CIT: variants seen among roughly 807,000 people sequenced by gnomAD.
The protein encoded by CIT is citron rho-interacting serine/threonine kinase.
In CIT, 79 loss-of-function variants were observed where a neutral mutation model predicts 272.7. The ratio of observed to expected loss-of-function variants is 0.29; its 90% confidence interval spans 0.24 to 0.35. The LOEUF is 0.35. Ranked by LOEUF, CIT falls within the 10% of genes least tolerant of loss-of-function variation. The pLI, the probability that CIT is intolerant of heterozygous loss-of-function variation, is 1.00. For missense variants in CIT, 1,909 were observed against 2,618.3 expected (o/e 0.73, Z 5.91); for synonymous variants, 948 against 995.6 (o/e 0.95, Z 0.90).
chr12:119,721,314 T>C lies in CIT; in HGVS notation c.3727A>G (p.Ile1243Val). ...TTCCCTCTGCCAGTCCTCACCTGAA[T>C]GTTTTCCAGCTGATACTCCAAGTCA... The part of the protein sequence containing the change: ...RSDLEYQLEN[I>V]QVLYSHEKVK... Residue 1243 changes from isoleucine to valine, a missense_variant, in exon 29 of 48, where the codon ATT (isoleucine) becomes GTT (valine). Transcript: ENST00000392521. The C allele has an allele frequency of 6.3e-7, 1 of 1,599,842 alleles. No homozygotes were observed. The highest frequency in any genetic ancestry group is 8.6e-7 in the Non-Finnish European group (1 of 1,168,784).
rs1956179333 is a variant in CIT, at chr12:119,695,530, T to TTAATA, written c.5882+2128_5882+2129insTATTA. ...ATGGTGTAGGACCAGACACAGTGCT[T>TTAATA]CAAGCCTATAAACCTAGCACTTTGG... On this transcript the variant is annotated intron_variant, in intron 46 of 47. Transcript: ENST00000392521. Among the ~76,000 whole-genome samples, 15 of 152,250 alleles carry TTAATA rather than the reference T, an allele frequency of 9.9e-5. No individual in the cohort carries two copies. The South Asian group carries it at 3.1e-3, about 32-fold the overall frequency.
At chr12:119,725,217 G>A (rs1958025296) in intron 28 of CIT, among the ~76,000 whole-genome samples, 1 of 152,094 alleles carries the variant, frequency 6.6e-6, no homozygotes, top group Non-Finnish European at 1.5e-5. Flanking sequence ...GAGGCCAGGA[G>A]TTGGAGACAA....
chr12:119,699,973 A>AT (rs1956460596), intron 44 of CIT: 1 of 452,350 alleles, frequency 2.2e-6, no homozygotes, highest in African/African-American at 2.0e-5. Context: ...GGAGCTTATA[A>AT]TCAGGGGGTG....
chr12:119,724,836 G>A (rs1957996825), intron 28 of CIT, among the ~76,000 whole-genome samples: 1 of 150,708 alleles, frequency 6.6e-6, no homozygotes, highest in African/African-American at 2.4e-5. Context: ...CTACTCGGGA[G>A]GCTGAGGCAG....
At chr12:119,826,312 T>C (rs998635812) in intron 7 of CIT, among the ~76,000 whole-genome samples, 1 of 152,078 alleles carries the variant, frequency 6.6e-6, no homozygotes, top group African/African-American at 2.4e-5. Flanking sequence ...TATAATCCAA[T>C]GGCACCCAAG....
chr12:119,744,624 G>A (rs1049835243), intron 23 of CIT, among the ~76,000 whole-genome samples: 5 of 148,622 alleles, frequency 3.4e-5, no homozygotes, highest in African/African-American at 1.2e-4. Context: ...GCTGAGGCAG[G>A]AGAATGGTGT....
At chr12:119,695,691 C>T (rs1398980035) in intron 46 of CIT, among the ~76,000 whole-genome samples, 1 of 151,992 alleles carries the variant, frequency 6.6e-6, no homozygotes, top group Non-Finnish European at 1.5e-5. Context: ...AGCTGCTCAT[C>T]AGGCTGAGGT....
intron 19 of CIT, among the ~76,000 whole-genome samples, chr12:119,765,497 GTC>G (rs926884162): frequency 1.4e-5 from 2 of 142,818 alleles, no homozygotes; most frequent in Admixed American, 7.0e-5. Context: ...TTGAGACAGG[GTC>G]TCTCTCTGTC....
rs371054789 is a variant in CIT, at chr12:119,701,805, G to A, written c.5413+45C>T. ...TCAGGAGTGAGTTCTGAGTCTCAGC[G>A]CGGCCTGAGCCATGGGTGGGTGCGA... is the stretch of plus-strand genomic sequence containing the variant. On this transcript the variant is annotated intron_variant, in intron 42 of 47. Coordinates refer to ENST00000392521, the MANE Select transcript of CIT (RefSeq NM_001206999.2). 49 of 1,614,060 alleles carry A rather than the reference G, an allele frequency of 3.0e-5. No homozygotes were observed. In the African/African-American group the frequency reaches 3.5e-4, roughly 11 times the overall value.
intron 22 of CIT, among the ~76,000 whole-genome samples, chr12:119,753,724 G>A (rs1489498574): frequency 1.1e-4 from 17 of 148,682 alleles, no homozygotes; most frequent in Admixed American, 1.1e-3. Context: ...GTGACAGAGC[G>A]AGACTCTGCC....
chr12:119,806,137 C>CAAAAAAAAAAAAAAAA (rs3858711), intron 9 of CIT, among the ~76,000 whole-genome samples: 1 of 62,656 alleles, frequency 1.6e-5, no homozygotes, highest in Non-Finnish European at 2.7e-5. Flanking sequence ...AACACCATCT[C>CAAAAAAAAAAAAAAAA]AAAAAAAAAA....
chr12:119,712,917 TGAC>T lies in CIT; in HGVS notation c.4580-225_4580-223del, dbSNP rs1460990625. 5 of 579,576 alleles carry T rather than the reference TGAC, an allele frequency of 8.6e-6. No homozygotes were observed. In the African/African-American group the frequency reaches 9.4e-5, roughly 11 times the overall value. 35.9% of individuals were successfully genotyped at this position (579,576 alleles called of 1,614,324 possible). A position where few individuals can be genotyped will look rare whatever the true frequency, so the allele number is the denominator to read the frequency against. On this transcript the variant is annotated intron_variant, in intron 35 of 47. Coordinates refer to ENST00000392521, the MANE Select transcript of CIT (RefSeq NM_001206999.2). This position sits in a 1 kb window ranked among gnomAD's most constrained non-coding sequence, Gnocchi z 5.2. ...ATGAGTAGCACAGTCAAATTTCTGA[TGAC>T]GATGCGGATTTATGGGTTAGTTGAC...
chr12:119,789,274 A>C (rs1273719057), intron 10 of CIT, among the ~76,000 whole-genome samples: 1 of 152,176 alleles, frequency 6.6e-6, no homozygotes, highest in African/African-American at 2.4e-5. Context: ...TAGCCACTTA[A>C]AACTCATTGT....
At chr12:119,702,095 G>A (rs1422607552) in intron 41 of CIT, 137 bp from the exon 42 acceptor site, 6 of 648,402 alleles carry the variant, frequency 9.3e-6, no homozygotes, top group Admixed American at 8.5e-5. Context: ...CGTTGTCATA[G>A]AGAGCCATTC....
chr12:119,864,656 A>G (rs1950465080), intron 3 of CIT, among the ~76,000 whole-genome samples: 1 of 152,166 alleles, frequency 6.6e-6, no homozygotes, highest in South Asian at 2.1e-4. Context: ...TTAGTATAAC[A>G]CTGCTGTATA....
rs149207700 is a variant in CIT, at chr12:119,803,815, T to C, written c.1112-426A>G. Among the ~76,000 whole-genome samples, 151 of 152,260 alleles carry C rather than the reference T, an allele frequency of 9.9e-4. 1 individual carries two copies. The highest frequency in any genetic ancestry group is 3.3e-3 in the African/African-American group (139 of 41,530). On this transcript the variant is annotated intron_variant, in intron 9 of 47. Coordinates refer to ENST00000392521, the MANE Select transcript of CIT (RefSeq NM_001206999.2). Reference sequence around the variant, plus strand: ...CCTCCAGACAGGTCTAAATTATTAATGATTAGCACTAATCGTTGAAATAAG... The same window carrying C: ...CCTCCAGACAGGTCTAAATTATTAACGATTAGCACTAATCGTTGAAATAAG...
intron 7 of CIT, among the ~76,000 whole-genome samples, chr12:119,831,499 G>C (rs770589519): frequency 2.0e-5 from 3 of 152,066 alleles, no homozygotes; most frequent in African/African-American, 7.2e-5. Flanking sequence ...CCAGATGCTA[G>C]AAAGCAAAAA....
At chr12:119,792,956 G>A (rs1008345422) in intron 10 of CIT, among the ~76,000 whole-genome samples, 10 of 151,880 alleles carry the variant, frequency 6.6e-5, no homozygotes, top group Admixed American at 5.2e-4. Context: ...GTGAGACTCC[G>A]TCTCAAAAAT....
intron 13 of CIT, among the ~76,000 whole-genome samples, chr12:119,780,278 A>T (rs1260650303): frequency 6.6e-6 from 1 of 152,082 alleles, no homozygotes; most frequent in Non-Finnish European, 1.5e-5. Context: ...ACCAAATCTA[A>T]ATATTCTAGA....
Sources: allele counts gnomAD v4.1 joint callset (sites outside exome capture counted in the v4.1 genomes callset), GRCh38; gene constraint gnomAD v4.1.1; non-coding constraint Gnocchi (gnomAD v3.1); transcripts MANE v1.5; gene names NCBI Gene and HGNC (gene_info 2026-07-23, HGNC 2026-07-21).